Variants in PLEKHA6 observed in about 807,000 individuals in gnomAD.
The protein encoded by PLEKHA6 is pleckstrin homology domain-containing family A member 6.
PLEKHA6 carries 60 observed loss-of-function variants against 116.7 expected under a neutral mutation model. The ratio of observed to expected loss-of-function variants is 0.51; its 90% CI spans 0.42 to 0.64. PLEKHA6 has a LOEUF of 0.64. PLEKHA6 is among the 30% of genes least tolerant of loss of function. PLEKHA6 has a pLI of 0.00. For synonymous variants in PLEKHA6, 489 were observed against 556.1 expected (o/e 0.88, Z 1.70); for missense variants, 1,338 against 1,422.7 (o/e 0.94, Z 0.96).
chr1:204,220,433 GGAAGCCACTGT>G lies in PLEKHA6; in HGVS notation c.*2344_*2354del, dbSNP rs1354948642. On this transcript the variant is annotated 3_prime_UTR_variant, in exon 23 of 23. Coordinates refer to ENST00000272203, the MANE Select transcript of PLEKHA6 (RefSeq NM_014935.5). ...TTCGTGACTGGGGAATAGGATGGAA[GGAAGCCACTGT>G]GGCAGAGGGACAGGCACAGGGTTGG... 1 of 152,604 alleles carries G rather than the reference GGAAGCCACTGT, an allele frequency of 6.6e-6. No homozygotes were observed. Among genetic ancestry groups the G allele is most frequent in the Non-Finnish European group, 1.5e-5 (1 of 68,038 alleles). The allele number at this position is 152,604 out of a possible 1,614,324, so 9.5% of individuals were successfully genotyped here. A position where few individuals can be genotyped will look rare whatever the true frequency, so the allele number is the denominator to read the frequency against.
At chr1:204,362,714 T>C (rs1464178176), upstream of PLEKHA6, among the ~76,000 whole-genome samples, 1 of 152,150 alleles carries the variant, frequency 6.6e-6, no homozygotes, top group Non-Finnish European at 1.5e-5. Context: ...ATGCAGCTAA[T>C]TTTTTAGTTT....
chr1:204,317,253 A>G, intron 1 of PLEKHA6: 7 of 969,504 alleles, frequency 7.2e-6, no homozygotes, highest in Non-Finnish European at 8.6e-6. Context: ...GACAGCTAGC[A>G]GCCCTGGGTC....
At chr1:204,335,230 C>T (rs907704475) in intron 1 of PLEKHA6, among the ~76,000 whole-genome samples, 2 of 152,084 alleles carry the variant, frequency 1.3e-5, no homozygotes, top group African/African-American at 2.4e-5. Context: ...CACTTCCCCC[C>T]ACACACATAC....
At chr1:204,281,241 A>G (rs1261238511) in intron 1 of PLEKHA6, among the ~76,000 whole-genome samples, 1 of 151,112 alleles carries the variant, frequency 6.6e-6, no homozygotes, top group Non-Finnish European at 1.5e-5. Flanking sequence ...AACAAACAAA[A>G]AAGGCCGGGG....
intron 1 of PLEKHA6, among the ~76,000 whole-genome samples, chr1:204,354,455 C>T (rs963730715): frequency 4.6e-5 from 7 of 152,182 alleles, no homozygotes; most frequent in Non-Finnish European, 1.0e-4. Flanking sequence ...ACCTCAGCAC[C>T]CATCTGGTCT....
In PLEKHA6 at chr1:204,261,537, G is replaced by T; in HGVS notation, c.382-89C>A. On this transcript the variant is annotated intron_variant, in intron 6 of 22. Transcript: ENST00000272203. The surrounding 1 kb of genome is among the most constrained non-coding windows in gnomAD (Gnocchi z 4.0). ...TTGGGAGAAGACACCAACGCCCACA[G>T]AATGGGCAGTCAGTTGGGCCATTCC... 7.1e-7 allele frequency: 1 copy of T among 1,408,848 alleles called. No homozygotes were observed. Among genetic ancestry groups the T allele is most frequent in the Non-Finnish European group, 9.6e-7 (1 of 1,038,762 alleles). The allele number at this position is 1,408,848 out of a possible 1,614,324, so 87.3% of individuals were successfully genotyped here.
chr1:204,299,175 C>T (rs930360875), intron 1 of PLEKHA6, among the ~76,000 whole-genome samples: 2 of 152,144 alleles, frequency 1.3e-5, no homozygotes, highest in East Asian at 3.8e-4. Context: ...GAGGAAGGGA[C>T]AAGATAATTT....
intron 1 of PLEKHA6, among the ~76,000 whole-genome samples, chr1:204,280,069 G>A (rs957277514): frequency 5.3e-5 from 8 of 152,144 alleles, no homozygotes; most frequent in African/African-American, 1.7e-4. Context: ...AGTGCCAGGG[G>A]CAGGCACTCT....
rs114459733 is a variant in PLEKHA6 at position 204,265,864 on chromosome 1, C to A, written c.281-822G>T. ...CTAACAGTCCAGCTATTACATAATT[C>A]ATCCCGGATCTCCAAAGGAGCCTGA... On this transcript the variant is annotated intron_variant, in intron 5 of 22. Transcript: ENST00000272203. Among the ~76,000 whole-genome samples, 1,404 of 152,302 alleles carry A rather than the reference C, an allele frequency of 9.2e-3. 27 individuals carry two copies. The highest frequency in any genetic ancestry group is 0.032 in the African/African-American group (1,328 of 41,556).
intron 6 of PLEKHA6, among the ~76,000 whole-genome samples, chr1:204,264,067 T>C (rs1666485053): frequency 6.6e-6 from 1 of 152,118 alleles, no homozygotes; most frequent in South Asian, 2.1e-4. Flanking sequence ...ACAGATCCAG[T>C]CATCTAATAT....
intron 14 of PLEKHA6, among the ~76,000 whole-genome samples, 189 bp from the exon 15 acceptor site, chr1:204,245,192 T>C (rs1663464020): frequency 6.6e-6 from 1 of 151,920 alleles, no homozygotes; most frequent in Non-Finnish European, 1.5e-5. Flanking sequence ...AGGCTGGCTG[T>C]TGAGAGGTGT....
chr1:204,334,761 C>T (rs893676063), intron 1 of PLEKHA6, among the ~76,000 whole-genome samples: 3 of 151,772 alleles, frequency 2.0e-5, no homozygotes, highest in Admixed American at 6.6e-5. Context: ...TAGCCGGGCG[C>T]GGTAGTGCAC....
intron 1 of PLEKHA6, among the ~76,000 whole-genome samples, chr1:204,357,383 G>C (rs1673444021): frequency 6.6e-6 from 1 of 152,150 alleles, no homozygotes; most frequent in Non-Finnish European, 1.5e-5. Flanking sequence ...ACAGACAGAT[G>C]GTCAAGGGAA....
intron 1 of PLEKHA6, among the ~76,000 whole-genome samples, chr1:204,286,559 G>A (rs1166380088): frequency 1.3e-5 from 2 of 152,178 alleles, no homozygotes; most frequent in African/African-American, 4.8e-5. Flanking sequence ...TTCTGCACCT[G>A]CAACTTCTGG....
At chr1:204,356,779 T>C (rs1242844019) in intron 1 of PLEKHA6, among the ~76,000 whole-genome samples, 1 of 152,108 alleles carries the variant, frequency 6.6e-6, no homozygotes, top group Non-Finnish European at 1.5e-5. Flanking sequence ...AACCTATGGG[T>C]AATTCTTAAC....
intron 13 of PLEKHA6, 87 bp downstream of exon 13, chr1:204,247,278 T>C (rs563636132): frequency 6.1e-5 from 47 of 771,332 alleles, no homozygotes; most frequent in African/African-American, 5.8e-4. Context: ...CTGTTATCAA[T>C]GGCCGGAACC....
chr1:204,315,475 T>A (rs920399115), intron 1 of PLEKHA6, among the ~76,000 whole-genome samples: 1 of 152,000 alleles, frequency 6.6e-6, no homozygotes, highest in Admixed American at 6.6e-5. Context: ...CCCTTCCCTC[T>A]CCCCCAGATG....
chr1:204,245,633 C>A lies in PLEKHA6; in HGVS notation c.2014G>T (p.Asp672Tyr). 6.2e-7 allele frequency: 1 copy of A among 1,611,358 alleles called. No homozygotes were observed. Among genetic ancestry groups the A allele is most frequent in the Non-Finnish European group, 8.5e-7 (1 of 1,177,740 alleles). ...CACCCACCTCTGTGCTTGGCGGTGT[C>A]CGTGCCCCGGGAGGGGTTGTTCTTC... Reference protein sequence around the residue: ...LRKNNPSRGTDTAKHRGGLGP... With the variant: ...LRKNNPSRGTYTAKHRGGLGP... Residue 672 changes from aspartate (D) to tyrosine (Y), a missense_variant, in exon 14 of 23, where the codon GAC (aspartate) becomes TAC (tyrosine). This residue lies in a region of PLEKHA6 where 1,136 missense variants were observed against 1,163.6 expected (regional missense o/e 0.98). Transcript: ENST00000272203.
chr1:204,327,593 A>G (rs953764653), intron 1 of PLEKHA6, among the ~76,000 whole-genome samples: 2 of 152,224 alleles, frequency 1.3e-5, no homozygotes, highest in Non-Finnish European at 2.9e-5. Context: ...TGTGGTGTCC[A>G]ATGGTCTAAC....
Sources: allele counts gnomAD v4.1 joint callset (sites outside exome capture counted in the v4.1 genomes callset), GRCh38; gene constraint gnomAD v4.1.1; regional missense constraint gnomAD v4.1.1; non-coding constraint Gnocchi (gnomAD v3.1); transcripts MANE v1.5; gene names NCBI Gene and HGNC (gene_info 2026-07-23, HGNC 2026-07-21).